The following MAP3K4 variants were observed in gnomAD, a reference collection of about 807,000 sequenced individuals.
MAP3K4 encodes MAP three kinase 1.
MAP3K4 carries 67 observed loss-of-function variants against 185.6 expected under a neutral mutation model. The observed-to-expected ratio is 0.36, with a 90% confidence interval of 0.30 to 0.44. The LOEUF (loss-of-function observed/expected upper bound fraction) is 0.44. MAP3K4 is among the 20% of genes least tolerant of loss of function. The pLI is 1.00. For missense variants in MAP3K4, 1,551 were observed against 1,995.1 expected (o/e 0.78, Z 4.24); for synonymous variants, 702 against 710.4 (o/e 0.99, Z 0.19).
intron 1 of MAP3K4, among the ~76,000 whole-genome samples, chr6:161,033,880 A>G (rs1014670137): frequency 1.7e-4 from 26 of 152,244 alleles, no homozygotes; most frequent in Non-Finnish European, 7.3e-5. Flanking sequence ...CAGCTAGCAC[A>G]TAAGTACATT....
Position 161,101,663 on chromosome 6 carries a change from T to C in MAP3K4, c.3675-229T>C, listed in dbSNP as rs755113603. Reference sequence around the variant, plus strand: ...CAGAGGACGGTCTCCACAGCAGCGCTGTTCACTTAGGGGGCTGATTCTGGT... The same window carrying C: ...CAGAGGACGGTCTCCACAGCAGCGCCGTTCACTTAGGGGGCTGATTCTGGT... On this transcript the variant is annotated intron_variant, in intron 17 of 26. Coordinates refer to ENST00000392142, the MANE Select transcript of MAP3K4 (RefSeq NM_005922.4). The surrounding 1 kb of genome is among the most constrained non-coding windows in gnomAD (Gnocchi z 5.1). 5 of 461,344 alleles carry C rather than the reference T, an allele frequency of 1.1e-5. No homozygotes were observed. Among genetic ancestry groups the C allele is most frequent in the Non-Finnish European group, 1.6e-5 (4 of 255,024 alleles). The allele number at this position is 461,344 out of a possible 1,614,324, so 28.6% of individuals were successfully genotyped here. A position where few individuals can be genotyped will look rare whatever the true frequency, so the allele number is the denominator to read the frequency against.
In MAP3K4 at chr6:161,109,832, T is replaced by C. The variant is rs1213156957; in HGVS notation, c.4314T>C (p.His1438=). The change falls in exon 23 of 27, where the codon CAT becomes CAC. Residue 1438 remains histidine (H), a synonymous_variant. Coordinates refer to ENST00000392142, the MANE Select transcript of MAP3K4 (RefSeq NM_005922.4). This position sits in a 1 kb window ranked among gnomAD's most constrained non-coding sequence, Gnocchi z 5.7. ...EEVSRLGLQE[H]VIRLYSKQIT... Reference sequence around the variant, plus strand: ...TGTCAAGGCTGGGACTTCAGGAACATGTGATTAGGCTGTATTCAAAGCAGA... The same window carrying C: ...TGTCAAGGCTGGGACTTCAGGAACACGTGATTAGGCTGTATTCAAAGCAGA... The C allele has an allele frequency of 5.6e-6, 9 of 1,614,108 alleles. No individual in the cohort carries two copies. Among genetic ancestry groups the C allele is most frequent in the Middle Eastern group, 1.6e-4 (1 of 6,062 alleles).
intron 1 of MAP3K4, among the ~76,000 whole-genome samples, chr6:161,002,594 T>TC (rs898934428): frequency 7.0e-6 from 1 of 142,784 alleles, no homozygotes; most frequent in Non-Finnish European, 1.5e-5. Flanking sequence ...TTTGGCTTTT[T>TC]TTTTTTTTTT....
In MAP3K4 at chr6:160,994,580, C is replaced by T. The variant is rs140477402; in HGVS notation, c.152+2497C>T. 3.8e-3 allele frequency among the ~76,000 whole-genome samples: 579 copies of T among 152,130 alleles called. 7 individuals are homozygous for T. The highest frequency in any genetic ancestry group is 0.013 in the African/African-American group (539 of 41,496). On this transcript the variant is annotated intron_variant, in intron 1 of 26. Transcript: ENST00000392142. ...TCCATATTTTTGCAGTTGTGAATTG[C>T]GAATTGCTGCTATAAACGTGTGTAC...
rs1283288245 is a variant in MAP3K4, at chr6:161,017,484, A to G, written c.153-16775A>G. Among the ~76,000 whole-genome samples the G allele has an allele frequency of 6.6e-6, 1 of 152,090 alleles. No individual in the cohort carries two copies. The highest frequency in any genetic ancestry group is 2.4e-5 in the African/African-American group (1 of 41,404). On this transcript the variant is annotated intron_variant, in intron 1 of 26. Transcript: ENST00000392142. The surrounding 1 kb of genome is among the most constrained non-coding windows in gnomAD (Gnocchi z 5.1). ...TATGTCACTTTCTATTTATTTGGAT[A>G]TTTTAAATAGTATTAGGTTTGTAAA...
chr6:161,097,874 G>GC lies in MAP3K4; in HGVS notation c.3525-401dup, dbSNP rs1196039528. On this transcript the variant is annotated intron_variant, in intron 16 of 26. Transcript: ENST00000392142. This position sits in a 1 kb window ranked among gnomAD's most constrained non-coding sequence, Gnocchi z 4.9. The stretch of plus-strand genomic sequence containing the variant: ...AGGACGAGGCGGGAGGATCACTTGA[G>GC]CCCAGGAGAACAGCCTGGGCAACGT... Among the ~76,000 whole-genome samples, 1 of 151,904 alleles carries GC rather than the reference G, an allele frequency of 6.6e-6. No individual in the cohort carries two copies. The highest frequency in any genetic ancestry group is 1.5e-5 in the Non-Finnish European group (1 of 68,014).
chr6:161,060,190 ATTCAT>A (rs1240159480), intron 3 of MAP3K4, among the ~76,000 whole-genome samples: 1 of 152,128 alleles, frequency 6.6e-6, no homozygotes, highest in African/African-American at 2.4e-5. Flanking sequence ...CTTCTTTATT[ATTCAT>A]TTCATTTATT....
chr6:161,027,013 A>G (rs533448310), intron 1 of MAP3K4, among the ~76,000 whole-genome samples: 2 of 151,952 alleles, frequency 1.3e-5, no homozygotes, highest in South Asian at 4.2e-4. Context: ...TTAGTTCAGG[A>G]CCGATAAAAT....
chr6:161,073,871 T>C lies in MAP3K4; in HGVS notation c.2097+259T>C, dbSNP rs749987690. Reference sequence around the variant, plus strand: ...TTCTCTGAAATCCACATTTAAAAAATTCTCAATTGTTTTTAAGTTGGAAGT... The same window carrying C: ...TTCTCTGAAATCCACATTTAAAAAACTCTCAATTGTTTTTAAGTTGGAAGT... On this transcript the variant is annotated intron_variant, in intron 5 of 26. Coordinates refer to ENST00000392142, the MANE Select transcript of MAP3K4 (RefSeq NM_005922.4). This position sits in a 1 kb window ranked among gnomAD's most constrained non-coding sequence, Gnocchi z 4.2. 1.3e-5 allele frequency among the ~76,000 whole-genome samples: 2 copies of C among 152,220 alleles called. No individual in the cohort carries two copies. Among genetic ancestry groups the C allele is most frequent in the African/African-American group, 2.4e-5 (1 of 41,450 alleles).
intron 2 of MAP3K4, among the ~76,000 whole-genome samples, chr6:161,046,329 A>C (rs1783726809): frequency 6.6e-6 from 1 of 152,172 alleles, no homozygotes; most frequent in Non-Finnish European, 1.5e-5. Flanking sequence ...AACACAGTTA[A>C]ACGCATCAGA....
At chr6:161,035,178 T>A (rs946058706) in intron 2 of MAP3K4, among the ~76,000 whole-genome samples, 10 of 152,180 alleles carry the variant, frequency 6.6e-5, no homozygotes, top group Non-Finnish European at 1.0e-4. Context: ...AGAATTTACC[T>A]GTTAATCTCA....
rs80065335 is a variant in MAP3K4 at position 161,067,717 on chromosome 6, C to T, written c.1708-2891C>T. ...TGATGTCAGGTTATAATAGACTAAA[C>T]GTCTGTGTTTTAAGAGACAAGAATT... On this transcript the variant is annotated intron_variant, in intron 3 of 26. Coordinates refer to ENST00000392142, the MANE Select transcript of MAP3K4 (RefSeq NM_005922.4). This position sits in a 1 kb window ranked among gnomAD's most constrained non-coding sequence, Gnocchi z 6.3. Among the ~76,000 whole-genome samples the T allele has an allele frequency of 0.038, 5,829 of 152,280 alleles. 152 individuals are homozygous for T. Among genetic ancestry groups the T allele is most frequent in the South Asian group, 0.072 (349 of 4,822 alleles).
chr6:161,068,523 GTCTGACACTTA>G (rs1173930587), intron 3 of MAP3K4, among the ~76,000 whole-genome samples: 125 of 152,306 alleles, frequency 8.2e-4, no homozygotes, highest in African/African-American at 2.9e-3. Context: ...AAATAAAAGT[GTCTGACACTTA>G]GGGCTGTCAG....
chr6:161,039,239 T>C (rs965359674), intron 2 of MAP3K4, among the ~76,000 whole-genome samples: 2 of 134,342 alleles, frequency 1.5e-5, no homozygotes, highest in Non-Finnish European at 3.0e-5. Flanking sequence ...TGGTCAGTCA[T>C]ACTGTCTTTG....
At position 161,076,028 on chromosome 6, in the gene MAP3K4, G is replaced by C. The variant is rs926041872; in HGVS notation, c.2097+2416G>C. ...GGAAACCCACCGAAAACAGCAAATGGAAAAATTCCTTCTTCAGAGAAGGAG... is the reference window on the plus strand; with the variant it reads ...GGAAACCCACCGAAAACAGCAAATGCAAAAATTCCTTCTTCAGAGAAGGAG... On this transcript the variant is annotated intron_variant, in intron 5 of 26. Transcript: ENST00000392142. This position sits in a 1 kb window ranked among gnomAD's most constrained non-coding sequence, Gnocchi z 4.2. 6.6e-6 allele frequency among the ~76,000 whole-genome samples: 1 copy of C among 151,966 alleles called. No homozygotes were observed. The highest frequency in any genetic ancestry group is 2.4e-5 in the African/African-American group (1 of 41,368).
chr6:161,014,736 T>C (rs1782006352), intron 1 of MAP3K4, among the ~76,000 whole-genome samples: 1 of 152,228 alleles, frequency 6.6e-6, no homozygotes, highest in South Asian at 2.1e-4. Context: ...CCTTTACTTA[T>C]ATTTTAGATA....
intron 5 of MAP3K4, among the ~76,000 whole-genome samples, chr6:161,079,091 G>C (rs1031206284): frequency 3.3e-5 from 5 of 151,686 alleles, no homozygotes; most frequent in Non-Finnish European, 7.4e-5. Context: ...GTGTACACAT[G>C]TAGTCCCAGC....
chr6:161,022,718 G>A lies in MAP3K4; in HGVS notation c.153-11541G>A, dbSNP rs1410424504. Among the ~76,000 whole-genome samples, 1 of 152,164 alleles carries A rather than the reference G, an allele frequency of 6.6e-6. No individual in the cohort carries two copies. The highest frequency in any genetic ancestry group is 1.5e-5 in the Non-Finnish European group (1 of 68,040). On this transcript the variant is annotated intron_variant, in intron 1 of 26. Transcript: ENST00000392142. This position sits in a 1 kb window ranked among gnomAD's most constrained non-coding sequence, Gnocchi z 4.2. ...CCCTACTCTGGGGCTCAGGAATTAT[G>A]CTAGTACCTGTAGGAATCCTTGGGT...
Position 161,101,054 on chromosome 6 carries a change from A to T in MAP3K4, c.3675-838A>T, listed in dbSNP as rs192628681. On this transcript the variant is annotated intron_variant, in intron 17 of 26. Transcript: ENST00000392142. This position sits in a 1 kb window ranked among gnomAD's most constrained non-coding sequence, Gnocchi z 5.1. ...AGCATAAATGCTACCATACTTCATT[A>T]TACCATTCACTTAAAAATATATACT... 1 of 152,374 alleles carries T rather than the reference A, an allele frequency of 6.6e-6. No homozygotes were observed. Among genetic ancestry groups the T allele is most frequent in the Non-Finnish European group, 1.5e-5 (1 of 68,024 alleles). The allele number at this position is 152,374 out of a possible 1,614,324, so 9.4% of individuals were successfully genotyped here.
Sources: gnomAD v4.1 joint callset for allele counts (sites outside exome capture counted in the v4.1 genomes callset) on GRCh38, gnomAD v4.1.1 for gene constraint, Gnocchi (gnomAD v3.1) non-coding constraint, MANE v1.5 for transcripts, NCBI Gene and HGNC (gene_info 2026-07-23, HGNC 2026-07-21) for gene names.